Variants in LPP observed in about 807,000 individuals in gnomAD.
The protein encoded by LPP is lipoma-preferred partner.
Under a neutral mutation model 60.4 loss-of-function variants are expected in LPP, and 38 were observed. The ratio of observed to expected loss-of-function variants is 0.63; its 90% CI spans 0.49 to 0.83. The LOEUF is 0.83. Ranked by LOEUF, LPP falls within the 40% of genes least tolerant of loss-of-function variation. LPP has a pLI of 0.00. For missense variants in LPP, 902 were observed against 783.6 expected (o/e 1.15, Z -1.80); for synonymous variants, 328 against 290.8 (o/e 1.13, Z -1.30).
At chr3:188,838,123 C>A (rs1040116328) in intron 9 of LPP, among the ~76,000 whole-genome samples, 2 of 152,128 alleles carry the variant, frequency 1.3e-5, no homozygotes, top group Non-Finnish European at 2.9e-5. Context: ...TTGTTTAGCA[C>A]TTCATGGCTT....
At chr3:188,646,579 C>T (rs938414) in intron 7 of LPP, among the ~76,000 whole-genome samples, 151,177 of 152,338 alleles carry the variant, frequency 0.99, 75,020 homozygotes, top group East Asian at 1. Flanking sequence ...GATGTGCATA[C>T]AGAATTACCC....
At chr3:188,550,342 G>T (rs1440591429) in intron 6 of LPP, among the ~76,000 whole-genome samples, 1 of 152,104 alleles carries the variant, frequency 6.6e-6, no homozygotes, top group Non-Finnish European at 1.5e-5. Context: ...ACTTTGGGAG[G>T]CCGAGGCGGG....
At chr3:188,438,778 G>A (rs1047716710) in intron 4 of LPP, among the ~76,000 whole-genome samples, 3 of 152,202 alleles carry the variant, frequency 2.0e-5, no homozygotes. Context: ...ATGGTGAGCA[G>A]AGGATAGGAC....
At chr3:188,540,176 C>T (rs1824768999) in intron 6 of LPP, among the ~76,000 whole-genome samples, 1 of 152,108 alleles carries the variant, frequency 6.6e-6, no homozygotes, top group East Asian at 1.9e-4. Context: ...TTCTTTCAAT[C>T]TGGGCTTCTT....
intron 2 of LPP, among the ~76,000 whole-genome samples, chr3:188,323,008 G>A (rs1486859682): frequency 6.6e-6 from 1 of 152,168 alleles, no homozygotes; most frequent in Non-Finnish European, 1.5e-5. Flanking sequence ...TGATTGTGTG[G>A]TAAAATCCAC....
At chr3:188,425,685 A>G (rs1192647549) in intron 4 of LPP, among the ~76,000 whole-genome samples, 1 of 152,172 alleles carries the variant, frequency 6.6e-6, no homozygotes, top group Admixed American at 6.5e-5. Flanking sequence ...GGGAGAGTCT[A>G]TGTGTCGCAG....
intron 5 of LPP, among the ~76,000 whole-genome samples, chr3:188,488,902 G>T (rs1378191140): frequency 6.6e-6 from 1 of 152,146 alleles, no homozygotes; most frequent in African/African-American, 2.4e-5. Context: ...CTCCCAAAGT[G>T]CTGGGATTAC....
intron 2 of LPP, among the ~76,000 whole-genome samples, chr3:188,253,879 G>C (rs1730769470): frequency 6.6e-6 from 1 of 152,158 alleles, no homozygotes; most frequent in Non-Finnish European, 1.5e-5. Flanking sequence ...GTGTGACTAT[G>C]TTTCCTCTGG....
intron 2 of LPP, among the ~76,000 whole-genome samples, chr3:188,327,527 A>G (rs772662352): frequency 6.5e-4 from 99 of 152,320 alleles, no homozygotes; most frequent in Admixed American, 1.8e-3. Flanking sequence ...GAAGAAGCAT[A>G]TAAGTGGAGC....
chr3:188,212,531 A>G (rs1325473200), intron 1 of LPP: 2 of 152,180 alleles, frequency 1.3e-5, no homozygotes, highest in African/African-American at 4.8e-5. Context: ...CTGCTTCTCC[A>G]TATTTGGAAA....
chr3:188,865,437 A>C (rs1051302654), intron 9 of LPP, among the ~76,000 whole-genome samples: 2 of 152,198 alleles, frequency 1.3e-5, no homozygotes, highest in Non-Finnish European at 2.9e-5. Context: ...CAGAAGCCTA[A>C]TTGATTATGC....
At chr3:188,332,003 A>G (rs1002007930) in intron 2 of LPP, among the ~76,000 whole-genome samples, 6 of 151,466 alleles carry the variant, frequency 4.0e-5, no homozygotes, top group African/African-American at 1.5e-4. Context: ...CTATCCAACA[A>G]CTCCTTTTCT....
At chr3:188,599,751 G>GGGGT (rs374294307) in intron 6 of LPP, among the ~76,000 whole-genome samples, 2,360 of 139,900 alleles carry the variant, frequency 0.017, 23 homozygotes, top group Middle Eastern at 0.055. Context: ...ACTCGTTAGG[G>GGGGT]GTGTGTGTGT....
chr3:188,381,126 G>T (rs1229575734), intron 3 of LPP, among the ~76,000 whole-genome samples: 1 of 152,178 alleles, frequency 6.6e-6, no homozygotes, highest in Non-Finnish European at 1.5e-5. Context: ...CCAGAGAGAA[G>T]TGAAACATGT....
At chr3:188,432,966 G>A (rs974768975) in intron 4 of LPP, among the ~76,000 whole-genome samples, 1 of 152,120 alleles carries the variant, frequency 6.6e-6, no homozygotes, top group Non-Finnish European at 1.5e-5. Context: ...GAGCTGTGCA[G>A]GATAGGAATG....
chr3:188,673,578 G>C (rs748501684), intron 7 of LPP, among the ~76,000 whole-genome samples: 3 of 152,078 alleles, frequency 2.0e-5, no homozygotes, highest in Non-Finnish European at 4.4e-5. Flanking sequence ...GCATTTTTCA[G>C]GATTCAGGTA....
intron 9 of LPP, among the ~76,000 whole-genome samples, chr3:188,857,295 T>C (rs1377842058): frequency 6.6e-6 from 1 of 152,240 alleles, no homozygotes; most frequent in Admixed American, 6.5e-5. Flanking sequence ...GCATTCTGAA[T>C]AATTGCCTTT....
At chr3:188,593,397 T>C (rs1197820265) in intron 6 of LPP, among the ~76,000 whole-genome samples, 1 of 152,162 alleles carries the variant, frequency 6.6e-6, no homozygotes, top group East Asian at 1.9e-4. Context: ...AATTTCATAC[T>C]TTAATATATT....
At chr3:188,840,502 CTT>C (rs1179286911) in intron 9 of LPP, among the ~76,000 whole-genome samples, 3 of 152,036 alleles carry the variant, frequency 2.0e-5, no homozygotes, top group Non-Finnish European at 2.9e-5. Context: ...CACACAAGGA[CTT>C]TATTTATTTA....
Sources: allele counts gnomAD v4.1 joint callset (sites outside exome capture counted in the v4.1 genomes callset), GRCh38; gene constraint gnomAD v4.1.1; transcripts MANE v1.5; gene names NCBI Gene and HGNC (gene_info 2026-07-23, HGNC 2026-07-21).